EZR: variants seen among roughly 807,000 people sequenced by gnomAD.
EZR encodes cytovillin 2.
A neutral mutation model predicts 74.8 loss-of-function variants in EZR; 40 were observed. That is an observed-to-expected ratio of 0.53 (90% confidence interval 0.42 to 0.70). The LOEUF is 0.70. Ranked by LOEUF, EZR falls within the 30% of genes least tolerant of loss-of-function variation. The pLI is 0.00. For synonymous variants in EZR, 341 were observed against 283.3 expected (o/e 1.20, Z -2.05); for missense variants, 678 against 755.8 (o/e 0.90, Z 1.21).
chr6:158,803,564 T>A (rs13204772), intron 2 of EZR, among the ~76,000 whole-genome samples: 2 of 4,976 alleles, frequency 4.0e-4, no homozygotes, highest in African/African-American at 1.8e-3. Context: ...TATATATATA[T>A]ATATATATAT....
At chr6:158,777,028 A>C (rs920456939) in intron 7 of EZR, among the ~76,000 whole-genome samples, 1 of 152,236 alleles carries the variant, frequency 6.6e-6, no homozygotes, top group Non-Finnish European at 1.5e-5. Flanking sequence ...TCCACGGTTC[A>C]GACCCACCTT....
intron 8 of EZR, among the ~76,000 whole-genome samples, chr6:158,775,037 T>TC (rs1455715469): frequency 1.0e-4 from 15 of 146,844 alleles, no homozygotes; most frequent in African/African-American, 3.5e-4. Context: ...AGGAGCCCTT[T>TC]TTTTTTTTTT....
chr6:158,771,279 C>T lies in EZR; in HGVS notation c.924G>A (p.Gln308=). The change falls in exon 9 of 14, where the codon CAG becomes CAA. Residue 308 remains glutamine (Q), a synonymous_variant. Coordinates refer to ENST00000367075, the MANE Select transcript of EZR (RefSeq NM_001111077.2). ...DTIEVQQMKA[Q]AREEKHQKQL... ...GCTTCTGATGCTTCTCCTCCCGGGC[C>T]TGGGCCTTCATCTGCTGCACCTCGA... The T allele has an allele frequency of 1.9e-6, 3 of 1,614,138 alleles. No homozygotes were observed. Among genetic ancestry groups the T allele is most frequent in the Non-Finnish European group, 2.5e-6 (3 of 1,179,976 alleles).
At chr6:158,778,163 G>A (rs926703220) in intron 7 of EZR, among the ~76,000 whole-genome samples, 5 of 152,206 alleles carry the variant, frequency 3.3e-5, no homozygotes, top group Non-Finnish European at 7.3e-5. Context: ...CAACAGAGAA[G>A]CTAGGATCCA....
At chr6:158,772,510 ATTGCTAGTGCC>A (rs1189547543) in intron 8 of EZR, among the ~76,000 whole-genome samples, 1 of 152,204 alleles carries the variant, frequency 6.6e-6, no homozygotes, top group Non-Finnish European at 1.5e-5. Flanking sequence ...GGTCACTCCA[ATTGCTAGTGCC>A]TTGCAAGACC....
intron 7 of EZR, among the ~76,000 whole-genome samples, chr6:158,776,938 G>A (rs546744514): frequency 5.3e-5 from 8 of 152,246 alleles, no homozygotes; most frequent in Admixed American, 1.3e-4. Context: ...TCAGTCTGCT[G>A]ATCTGATTAA....
At chr6:158,817,215 A>G (rs1777576680) in intron 2 of EZR, among the ~76,000 whole-genome samples, 1 of 152,220 alleles carries the variant, frequency 6.6e-6, no homozygotes, top group South Asian at 2.1e-4. Context: ...TTGTGATTCA[A>G]AACTCAAAAA....
chr6:158,798,402 A>G (rs553541906), intron 2 of EZR, among the ~76,000 whole-genome samples: 7 of 152,380 alleles, frequency 4.6e-5, no homozygotes, highest in African/African-American at 1.7e-4. Flanking sequence ...TTTAAGTTCT[A>G]AATGAAAATA....
At chr6:158,792,352 C>T (rs1372004799) in intron 2 of EZR, among the ~76,000 whole-genome samples, 1 of 152,020 alleles carries the variant, frequency 6.6e-6, no homozygotes, top group Non-Finnish European at 1.5e-5. Flanking sequence ...GCTGGGATTA[C>T]AGATGCCAGC....
intron 3 of EZR, among the ~76,000 whole-genome samples, chr6:158,788,150 A>ATT (rs1791632843): frequency 1.3e-5 from 2 of 152,262 alleles, no homozygotes; most frequent in Non-Finnish European, 2.9e-5. Context: ...AGGGTTGAAT[A>ATT]CATTAGAAAT....
At chr6:158,803,668 A>G (rs1490903261) in intron 2 of EZR, among the ~76,000 whole-genome samples, 2 of 128,712 alleles carry the variant, frequency 1.6e-5, no homozygotes, top group Admixed American at 1.6e-4. Context: ...TATATATATA[A>G]AATATACAGA....
At chr6:158,796,427 G>A (rs1310394832) in intron 2 of EZR, among the ~76,000 whole-genome samples, 1 of 152,266 alleles carries the variant, frequency 6.6e-6, no homozygotes, top group Non-Finnish European at 1.5e-5. Context: ...CCTGGCGGCA[G>A]GGGTGGCCCC....
At chr6:158,818,992 C>T (rs954989178) in intron 1 of EZR, among the ~76,000 whole-genome samples, 5 of 152,176 alleles carry the variant, frequency 3.3e-5, no homozygotes, top group African/African-American at 7.2e-5. Flanking sequence ...CGTTGCCCCG[C>T]GGCTGCAGTC....
At chr6:158,795,192 C>T (rs1436484701) in intron 2 of EZR, among the ~76,000 whole-genome samples, 1 of 152,120 alleles carries the variant, frequency 6.6e-6, no homozygotes, top group Non-Finnish European at 1.5e-5. Flanking sequence ...GCGGAGGTTG[C>T]AATGAGCCAA....
At chr6:158,777,714 A>G (rs967445491) in intron 7 of EZR, among the ~76,000 whole-genome samples, 6 of 152,200 alleles carry the variant, frequency 3.9e-5, no homozygotes, top group African/African-American at 1.4e-4. Context: ...CAACTAGATC[A>G]AGGCAGTGGG....
chr6:158,781,406 T>C (rs1015537391), intron 7 of EZR, among the ~76,000 whole-genome samples: 8 of 151,958 alleles, frequency 5.3e-5, no homozygotes, highest in African/African-American at 1.9e-4. Context: ...CATCGCTCAA[T>C]GGTGGGGGAG....
Position 158,766,856 on chromosome 6 carries a change from G to C in EZR, c.*58C>G, listed in dbSNP as rs532665522. ...CTTGGAGCACTAAAGACACAAGCGTGGCGGGGCTGGCAGCGCCCGCTATGA... is the reference window on the plus strand; with the variant it reads ...CTTGGAGCACTAAAGACACAAGCGTCGCGGGGCTGGCAGCGCCCGCTATGA... On this transcript the variant is annotated 3_prime_UTR_variant, in exon 14 of 14. Transcript: ENST00000367075. 15 of 1,514,214 alleles carry C rather than the reference G, an allele frequency of 9.9e-6. No individual in the cohort carries two copies. The African/African-American group carries it at 1.6e-4, about 17-fold the overall frequency. 93.8% of individuals were successfully genotyped at this position (1,514,214 alleles called of 1,614,324 possible).
At chr6:158,785,267 G>T in intron 5 of EZR, 42 bp downstream of exon 5, 1 of 1,603,522 alleles carries the variant, frequency 6.2e-7, no homozygotes, top group South Asian at 1.1e-5. Flanking sequence ...TGCCGAGGAC[G>T]GCATGACTGC....
chr6:158,800,965 G>A (rs1777175648), intron 2 of EZR, among the ~76,000 whole-genome samples: 2 of 152,108 alleles, frequency 1.3e-5, no homozygotes, highest in Non-Finnish European at 2.9e-5. Flanking sequence ...AGAAGAACAT[G>A]AGCGCAAAGG....
Sources: allele counts gnomAD v4.1 joint callset (sites outside exome capture counted in the v4.1 genomes callset), GRCh38; gene constraint gnomAD v4.1.1; transcripts MANE v1.5; gene names NCBI Gene and HGNC (gene_info 2026-07-23, HGNC 2026-07-21).